PKN2: variants seen among roughly 807,000 people sequenced by gnomAD.
PKN2 encodes protein kinase N2, also known as serine/threonine-protein kinase N2.
Under a neutral mutation model 119.1 loss-of-function variants are expected in PKN2, and 38 were observed. The ratio of observed to expected loss-of-function variants is 0.32; its 90% CI spans 0.25 to 0.42. PKN2 has a LOEUF of 0.42. Ranked by LOEUF, PKN2 falls within the 10% of genes least tolerant of loss-of-function variation. PKN2 has a pLI of 1.00. For synonymous variants in PKN2, 390 were observed against 384.9 expected (o/e 1.01, Z -0.15); for missense variants, 850 against 1,165.1 (o/e 0.73, Z 3.94).
rs756745862 is a variant in PKN2, at chr1:88,786,138, T to C, written c.1206T>C (p.Thr402=). 1.3e-5 allele frequency: 21 copies of C among 1,612,676 alleles called. No homozygotes were observed. The highest frequency in any genetic ancestry group is 1.8e-5 in the Non-Finnish European group (21 of 1,178,702). ...GTGCTGTTTTGAAGCTCGATAATAC[T>C]GTGGTTGGCCAAACTAGCTGGAAAC... ...DVCAVLKLDN[T]VVGQTSWKPI... The change falls in exon 8 of 22, where the codon ACT becomes ACC. Residue 402 remains threonine (T), a synonymous_variant. Coordinates refer to ENST00000370521, the MANE Select transcript of PKN2 (RefSeq NM_006256.4).
intron 1 of PKN2, among the ~76,000 whole-genome samples, chr1:88,731,159 A>G (rs1267537778): frequency 6.6e-6 from 1 of 152,118 alleles, no homozygotes; most frequent in Non-Finnish European, 1.5e-5. Context: ...GTTTTTTTTT[A>G]AACCTTGTAT....
rs1570585657 is a variant in PKN2, at chr1:88,757,546, A to G, written c.350-2676A>G. Among the ~76,000 whole-genome samples, 8 of 152,314 alleles carry G rather than the reference A, an allele frequency of 5.3e-5. No individual in the cohort carries two copies. In the South Asian group the frequency reaches 1.7e-3, roughly 32 times the overall value. The stretch of plus-strand genomic sequence containing the variant: ...AAAATGGTTAGTCACACCATCTTAT[A>G]TTGTAGAGGAGTGAAGGGAACATTG... On this transcript the variant is annotated intron_variant, in intron 2 of 21. Transcript: ENST00000370521.
chr1:88,737,789 A>G (rs941432356), intron 1 of PKN2, among the ~76,000 whole-genome samples: 23 of 152,084 alleles, frequency 1.5e-4, no homozygotes, highest in Non-Finnish European at 1.0e-4. Context: ...TCCTGCACTC[A>G]CTTCCCTCTC....
intron 3 of PKN2, among the ~76,000 whole-genome samples, chr1:88,767,847 T>A (rs981233127): frequency 6.6e-6 from 1 of 152,230 alleles, no homozygotes; most frequent in Non-Finnish European, 1.5e-5. Flanking sequence ...TTATTCCCCT[T>A]ATCTCCAATC....
chr1:88,755,999 A>G (rs1669184279), intron 2 of PKN2, among the ~76,000 whole-genome samples: 1 of 148,588 alleles, frequency 6.7e-6, no homozygotes, highest in South Asian at 2.2e-4. Flanking sequence ...AGCAACCTCC[A>G]CCTCCTGGGT....
chr1:88,786,991 G>A (rs1197609567), intron 8 of PKN2, among the ~76,000 whole-genome samples: 2 of 144,688 alleles, frequency 1.4e-5, no homozygotes, highest in African/African-American at 5.1e-5. Flanking sequence ...TAAAAGTAGA[G>A]GATAGAACAG....
At chr1:88,758,603 C>T (rs993436776) in intron 2 of PKN2, among the ~76,000 whole-genome samples, 9 of 152,134 alleles carry the variant, frequency 5.9e-5, no homozygotes, top group African/African-American at 2.2e-4. Context: ...CATCATTTAG[C>T]TCCCACTTAT....
At position 88,834,298 on chromosome 1, in the gene PKN2, T is replaced by C. The variant is rs971251843; in HGVS notation, c.*850T>C. On this transcript the variant is annotated 3_prime_UTR_variant, in exon 22 of 22. Transcript: ENST00000370521. The stretch of plus-strand genomic sequence containing the variant: ...AATCAGTGAACCGATTACCCTTTTT[T>C]TGGTATTCACTCTACATCTGCCAAC... 5 of 152,438 alleles carry C rather than the reference T, an allele frequency of 3.3e-5. No individual in the cohort carries two copies. Among genetic ancestry groups the C allele is most frequent in the Non-Finnish European group, 7.4e-5 (5 of 67,960 alleles). The allele number at this position is 152,438 out of a possible 1,614,324, so 9.4% of individuals were successfully genotyped here.
chr1:88,698,161 T>C (rs754936704), intron 1 of PKN2, among the ~76,000 whole-genome samples: 11 of 152,140 alleles, frequency 7.2e-5, no homozygotes, highest in Non-Finnish European at 1.5e-4. Flanking sequence ...TTTTTTAACC[T>C]TTTTTTGTCC....
chr1:88,688,100 T>C (rs1666178644), intron 1 of PKN2, among the ~76,000 whole-genome samples: 1 of 136,842 alleles, frequency 7.3e-6, no homozygotes, highest in Non-Finnish European at 1.6e-5. Flanking sequence ...TTTTTTTTTT[T>C]CTGGAGACGG....
In PKN2 at chr1:88,741,081, A is replaced by T; in HGVS notation, c.142A>T (p.Ile48Phe). The T allele has an allele frequency of 6.2e-7, 1 of 1,610,554 alleles. No homozygotes were observed. Among genetic ancestry groups the T allele is most frequent in the South Asian group, 1.1e-5 (1 of 90,200 alleles). ...DTMVQQKLDD[I>F]KDRIKREIRK... ...AATGGTGCAGCAGAAATTGGATGAT[A>T]TCAAGGATCGAATTAAGAGAGAAAT... Residue 48 changes from isoleucine (I) to phenylalanine (F), a missense_variant, in exon 2 of 22, where the codon ATC becomes TTC. Transcript: ENST00000370521.
chr1:88,716,065 A>G (rs1171010933), intron 1 of PKN2, among the ~76,000 whole-genome samples: 2 of 152,318 alleles, frequency 1.3e-5, no homozygotes, highest in East Asian at 3.9e-4. Context: ...GTAGTCATTC[A>G]GGAGCAGGTT....
chr1:88,716,156 G>A (rs917732343), intron 1 of PKN2, among the ~76,000 whole-genome samples: 20 of 152,220 alleles, frequency 1.3e-4, no homozygotes, highest in African/African-American at 4.8e-4. Context: ...TGGTCTGAAA[G>A]ACAGTTCGTT....
At chr1:88,688,509 A>G (rs1666202143) in intron 1 of PKN2, among the ~76,000 whole-genome samples, 1 of 152,228 alleles carries the variant, frequency 6.6e-6, no homozygotes, top group African/African-American at 2.4e-5. Flanking sequence ...TTAACTTTAC[A>G]CTACTTGTTA....
chr1:88,762,796 A>G (rs1206846892), intron 3 of PKN2, among the ~76,000 whole-genome samples: 1 of 152,226 alleles, frequency 6.6e-6, no homozygotes, highest in African/African-American at 2.4e-5. Flanking sequence ...CGATATTTGA[A>G]AAATGATTTG....
intron 17 of PKN2, among the ~76,000 whole-genome samples, chr1:88,823,370 A>G (rs17130620): frequency 0.067 from 10,215 of 152,202 alleles, 700 homozygotes; most frequent in African/African-American, 0.18. Flanking sequence ...TAACTTTACA[A>G]TTCTTTCTTA....
At chr1:88,720,744 T>G (rs1376294035) in intron 1 of PKN2, among the ~76,000 whole-genome samples, 3 of 152,198 alleles carry the variant, frequency 2.0e-5, no homozygotes, top group African/African-American at 7.2e-5. Context: ...CAGTGTACAC[T>G]GTACCCAGTG....
chr1:88,789,132 AAG>A lies in PKN2; in HGVS notation c.1281+2924_1281+2925del, dbSNP rs146044075. On this transcript the variant is annotated intron_variant, in intron 8 of 21. Transcript: ENST00000370521. ...CGACCGATCACTGGGAAAGGAGGGA[AAG>A]AGAGTATAGAAGCAGTTAGGACAAG... Among the ~76,000 whole-genome samples the A allele has an allele frequency of 6.6e-4, 101 of 152,334 alleles. 1 individual carries two copies. The East Asian group carries it at 0.017, about 26-fold the overall frequency.
intron 1 of PKN2, among the ~76,000 whole-genome samples, chr1:88,736,485 T>A (rs1453698283): frequency 6.6e-6 from 1 of 152,086 alleles, no homozygotes; most frequent in Non-Finnish European, 1.5e-5. Flanking sequence ...AACCTTAGCC[T>A]CCTGAGTAGC....
Sources: allele counts gnomAD v4.1 joint callset (sites outside exome capture counted in the v4.1 genomes callset), GRCh38; gene constraint gnomAD v4.1.1; transcripts MANE v1.5; gene names NCBI Gene and HGNC (gene_info 2026-07-23, HGNC 2026-07-21).